Variants in CACNB4 observed in about 807,000 individuals in gnomAD.
CACNB4 encodes voltage-dependent L-type calcium channel subunit beta-4.
A neutral mutation model predicts 71.2 loss-of-function variants in CACNB4; 32 were observed. The observed-to-expected ratio is 0.45, with a 90% CI of 0.34 to 0.60. The LOEUF (loss-of-function observed/expected upper bound fraction) is 0.60. Ranked by LOEUF, CACNB4 falls within the 20% of genes least tolerant of loss-of-function variation. The pLI is 0.01. For synonymous variants in CACNB4, 231 were observed against 236.9 expected, an observed-to-expected ratio of 0.97 and a Z score of 0.23; for missense variants, 464 against 647.9, an observed-to-expected ratio of 0.72 and a Z score of 3.08.
chr2:151,935,967 C>T (rs1396216718), intron 2 of CACNB4, among the ~76,000 whole-genome samples: 1 of 152,162 alleles, frequency 6.6e-6, no homozygotes, highest in Non-Finnish European at 1.5e-5. Flanking sequence ...TTCAAATTCC[C>T]AAACTAGTAT....
intron 12 of CACNB4, chr2:151,850,141 C>CTTTCTTTTTTTTTTTT (rs1553744905): frequency 3.1e-5 from 3 of 98,162 alleles, no homozygotes; most frequent in South Asian, 4.0e-4. Flanking sequence ...TTCTTTCTTT[C>CTTTCTTTTTTTTTTTT]TTTTTTTTTT....
At chr2:151,883,071 C>T (rs2099848385) in intron 3 of CACNB4, 180 bp downstream of exon 3, 2 of 608,254 alleles carry the variant, frequency 3.3e-6, no homozygotes. Flanking sequence ...TGAGGAAATG[C>T]CTCTTTGGAG....
In CACNB4 at chr2:151,887,953, T is replaced by A. The variant is rs567153320; in HGVS notation, c.148-4583A>T. On this transcript the variant is annotated intron_variant, in intron 2 of 13. Coordinates refer to ENST00000539935, the MANE Select transcript of CACNB4 (RefSeq NM_000726.5). ...TAGGATTTATATATTGTTCTTTTTTTAAAAAAATGGCTTTATTGAGGTATA... is the reference window on the plus strand; with the variant it reads ...TAGGATTTATATATTGTTCTTTTTTAAAAAAAATGGCTTTATTGAGGTATA... 1.2e-4 allele frequency among the ~76,000 whole-genome samples: 18 copies of A among 152,134 alleles called. No homozygotes were observed. The South Asian group carries it at 1.2e-3, about 11-fold the overall frequency.
chr2:152,095,363 T>C (rs1414364627), intron 2 of CACNB4, among the ~76,000 whole-genome samples: 2 of 152,126 alleles, frequency 1.3e-5, no homozygotes, highest in African/African-American at 4.8e-5. Context: ...AAAGAACAAA[T>C]ATTGTCTTAT....
At chr2:151,959,519 G>A (rs2099869113) in intron 2 of CACNB4, among the ~76,000 whole-genome samples, 1 of 152,184 alleles carries the variant, frequency 6.6e-6, no homozygotes, top group South Asian at 2.1e-4. Context: ...GCTTCTCTAT[G>A]TAAATGCAGC....
chr2:151,851,955 A>G (rs2099839167), intron 12 of CACNB4: 1 of 152,150 alleles, frequency 6.6e-6, no homozygotes, highest in Non-Finnish European at 1.5e-5. Flanking sequence ...CATACATTCC[A>G]CTGTGTAATT....
intron 2 of CACNB4, among the ~76,000 whole-genome samples, chr2:152,003,765 A>T (rs540453143): frequency 1.3e-5 from 2 of 152,158 alleles, no homozygotes; most frequent in Non-Finnish European, 2.9e-5. Flanking sequence ...ACAGTAAAGA[A>T]GGAAGATTTT....
chr2:151,976,889 C>T (rs1211474642), intron 2 of CACNB4, among the ~76,000 whole-genome samples: 2 of 152,190 alleles, frequency 1.3e-5, no homozygotes, highest in South Asian at 2.1e-4. Context: ...TGGATTCCAG[C>T]AAGTTCAAGT....
intron 2 of CACNB4, among the ~76,000 whole-genome samples, chr2:151,994,067 G>T (rs1363884949): frequency 1.3e-5 from 2 of 151,790 alleles, no homozygotes; most frequent in African/African-American, 4.8e-5. Flanking sequence ...AGCTACTTGG[G>T]AGGCTGAGGT....
At chr2:151,995,983 T>A (rs1160369049) in intron 2 of CACNB4, among the ~76,000 whole-genome samples, 1 of 152,228 alleles carries the variant, frequency 6.6e-6, no homozygotes, top group Non-Finnish European at 1.5e-5. Context: ...AAATCTACTT[T>A]TAGATGAATG....
At chr2:151,912,037 GT>G (rs2151539020) in intron 2 of CACNB4, among the ~76,000 whole-genome samples, 1 of 152,058 alleles carries the variant, frequency 6.6e-6, no homozygotes, top group Admixed American at 6.5e-5. Context: ...ATTTTTTATT[GT>G]GTCTATTTGA....
intron 2 of CACNB4, among the ~76,000 whole-genome samples, chr2:152,065,709 T>G (rs1686277232): frequency 6.6e-6 from 1 of 152,128 alleles, no homozygotes; most frequent in Non-Finnish European, 1.5e-5. Context: ...TTTCCTCAGG[T>G]TGTCCTATAT....
intron 2 of CACNB4, among the ~76,000 whole-genome samples, chr2:152,093,431 A>G (rs868422395): frequency 1.1e-4 from 12 of 105,632 alleles, no homozygotes; most frequent in South Asian, 3.6e-4. Context: ...GTGTGTGTGT[A>G]TTTTTACCCA....
At chr2:151,963,007 A>G (rs975648209) in intron 2 of CACNB4, 1 of 152,136 alleles carries the variant, frequency 6.6e-6, no homozygotes, top group African/African-American at 2.4e-5. Context: ...TCCTAAAAAG[A>G]ATATTGCTCT....
intron 2 of CACNB4, among the ~76,000 whole-genome samples, chr2:151,932,355 G>C (rs2099861829): frequency 6.6e-6 from 1 of 152,010 alleles, no homozygotes; most frequent in Non-Finnish European, 1.5e-5. Context: ...GATGAAACAT[G>C]ACCCATAAAC....
intron 2 of CACNB4, among the ~76,000 whole-genome samples, chr2:152,034,828 G>C (rs1315164873): frequency 6.6e-6 from 1 of 152,142 alleles, no homozygotes; most frequent in African/African-American, 2.4e-5. Flanking sequence ...TCTCTAATAA[G>C]TACTGTGTGG....
At chr2:151,995,652 T>G (rs1168780635) in intron 2 of CACNB4, among the ~76,000 whole-genome samples, 1 of 152,180 alleles carries the variant, frequency 6.6e-6, no homozygotes, top group Non-Finnish European at 1.5e-5. Context: ...GAGCTTGCAG[T>G]GAGCCAAGAT....
At chr2:151,860,888 AC>A in intron 9 of CACNB4, 68 bp from the exon 10 acceptor site, 7 of 994,154 alleles carry the variant, frequency 7.0e-6, no homozygotes, top group Non-Finnish European at 1.1e-5. Context: ...GTGATTTATA[AC>A]CACAGTACTT....
At chr2:152,032,421 AT>A (rs1208595205) in intron 2 of CACNB4, among the ~76,000 whole-genome samples, 1 of 152,208 alleles carries the variant, frequency 6.6e-6, no homozygotes, top group Non-Finnish European at 1.5e-5. Flanking sequence ...CTTGCTACTA[AT>A]TTTAGCTATC....
Sources: gnomAD v4.1 joint callset for allele counts (sites outside exome capture counted in the v4.1 genomes callset) on GRCh38, gnomAD v4.1.1 for gene constraint, MANE v1.5 for transcripts, NCBI Gene and HGNC (gene_info 2026-07-23, HGNC 2026-07-21) for gene names.